The following GALT variants were observed in gnomAD, a reference collection of about 807,000 sequenced individuals.
GALT encodes the protein UDP-glucose--hexose-1-phosphate uridylyltransferase.
GALT carries 42 observed loss-of-function variants against 55.4 expected under a neutral mutation model. That is an observed-to-expected ratio of 0.76 (90% CI 0.59 to 0.98). The LOEUF (loss-of-function observed/expected upper bound fraction) is 0.98. GALT is among the 50% of genes least tolerant of loss of function. The probability of loss-of-function intolerance (pLI) is 0.00; values close to 1 mark genes in which losing one functional copy is unlikely to be tolerated. For missense variants in GALT, 407 were observed against 495.7 expected (o/e 0.82, Z 1.70); for synonymous variants, 154 against 181.5 (o/e 0.85, Z 1.22).
At position 34,650,521 on chromosome 9, in the gene GALT, T is replaced by C. The variant is rs1020441541; in HGVS notation, c.*72T>C. 1 of 1,400,422 alleles carries C rather than the reference T, an allele frequency of 7.1e-7. No homozygotes were observed. The highest frequency in any genetic ancestry group is 1.0e-6 in the Non-Finnish European group (1 of 988,850). The allele number at this position is 1,400,422 out of a possible 1,614,324, so 86.7% of individuals were successfully genotyped here. A position where few individuals can be genotyped will look rare whatever the true frequency, so the allele number is the denominator to read the frequency against. ...TTGCTGAATTAAGCAGAAAGGGCCT[T>C]GAATCCTGGCCTGGAATTTGGGCAG... On this transcript the variant is annotated 3_prime_UTR_variant, in exon 11 of 11. Transcript: ENST00000378842.
At position 34,648,074 on chromosome 9, in the gene GALT, G is replaced by A; in HGVS notation, c.508-41G>A. On this transcript the variant is annotated intron_variant, in intron 5 of 10. Transcript: ENST00000378842. This position sits in a 1 kb window ranked among gnomAD's most constrained non-coding sequence, Gnocchi z 4.9. The stretch of plus-strand genomic sequence containing the variant: ...GTGTGGTCAGGAGGGAGTTGACTTG[G>A]TGTCTTTTGGCTAACAGAGCTCCGT... 6.2e-7 allele frequency: 1 copy of A among 1,614,146 alleles called. No individual in the cohort carries two copies. The highest frequency in any genetic ancestry group is 8.5e-7 in the Non-Finnish European group (1 of 1,180,024).
chr9:34,649,532 G>C lies in GALT; in HGVS notation c.1027G>C (p.Ala343Pro). 2 of 1,614,188 alleles carry C rather than the reference G, an allele frequency of 1.2e-6. No homozygotes were observed. Among genetic ancestry groups the C allele is most frequent in the Non-Finnish European group, 1.7e-6 (2 of 1,180,024 alleles). Reference sequence around the variant, plus strand: ...ATTCATGGTTGGCTACGAAATGCTTGCTCAGGCTCAGAGGGACCTCACCCC... The same window carrying C: ...ATTCATGGTTGGCTACGAAATGCTTCCTCAGGCTCAGAGGGACCTCACCCC... ...RKFMVGYEMLAQAQRDLTPEQ... is the reference protein window; with the variant it reads ...RKFMVGYEMLPQAQRDLTPEQ... Residue 343 changes from alanine to proline, a missense_variant, in exon 10 of 11, where the codon GCT becomes CCT. By Grantham distance (27) the Ala-to-Pro change is conservative. Coordinates refer to ENST00000378842, the MANE Select transcript of GALT (RefSeq NM_000155.4).
chr9:34,647,791 A>C lies in GALT; in HGVS notation c.378-41A>C. The C allele has an allele frequency of 6.2e-7, 1 of 1,614,162 alleles. No individual in the cohort carries two copies. The highest frequency in any genetic ancestry group is 1.1e-5 in the South Asian group (1 of 91,076). ...TTCGGCCCTGCCCGTAGCACAGCCAAGCCCTACCTCTCGGTTATCTTTTCT... is the reference window on the plus strand; with the variant it reads ...TTCGGCCCTGCCCGTAGCACAGCCACGCCCTACCTCTCGGTTATCTTTTCT... On this transcript the variant is annotated intron_variant, in intron 4 of 10. Coordinates refer to ENST00000378842, the MANE Select transcript of GALT (RefSeq NM_000155.4). This position sits in a 1 kb window ranked among gnomAD's most constrained non-coding sequence, Gnocchi z 5.6.
At chr9:34,649,192 G>T (rs1821191367) in intron 9 of GALT, 111 bp downstream of exon 9, 5 of 1,296,140 alleles carry the variant, frequency 3.9e-6, no homozygotes, top group Non-Finnish European at 5.6e-6. Flanking sequence ...AGTTGCTGGG[G>T]GAAGTGGCCA....
In GALT at chr9:34,650,550, T is replaced by G; in HGVS notation, c.*101T>G. On this transcript the variant is annotated 3_prime_UTR_variant, in exon 11 of 11. Transcript: ENST00000378842. The stretch of plus-strand genomic sequence containing the variant: ...TCCTGGCCTGGAATTTGGGCAGATA[T>G]AGCATTAATAAAACTGTGCATCTCA... 1 of 1,008,348 alleles carries G rather than the reference T, an allele frequency of 9.9e-7. No homozygotes were observed. Among genetic ancestry groups the G allele is most frequent in the Non-Finnish European group, 1.5e-6 (1 of 648,822 alleles). The allele number at this position is 1,008,348 out of a possible 1,614,324, so 62.5% of individuals were successfully genotyped here.
rs111033823 is a variant in GALT at position 34,650,417 on chromosome 9, C to T, written c.1108C>T (p.Gln370Ter). 1 of 1,614,104 alleles carries T rather than the reference C, an allele frequency of 6.2e-7. No homozygotes were observed. Among genetic ancestry groups the T allele is most frequent in the Non-Finnish European group, 8.5e-7 (1 of 1,180,022 alleles). The change falls in exon 11 of 11, where the codon CAG becomes TAG. Residue 370 changes from glutamine to a stop codon, truncating the protein, a stop_gained. Transcript: ENST00000378842. LOFTEE classifies it high-confidence loss of function. ...ALPEVHYHLG[Q>*]KDRETATIA is the part of the protein sequence containing the mutation. ...TCCTGAGGTTCATTACCACCTGGGG[C>T]AGAAGGACAGGGAGACAGCAACCAT... is the stretch of plus-strand genomic sequence containing the variant.
Position 34,649,487 on chromosome 9 carries a change from C to T in GALT, c.982C>T (p.Arg328Cys), listed in dbSNP as rs144993986. ...CGCTCATTACTACCCTCCGCTCCTGCGCTCTGCCACTGTCCGGAAATTCAT... is the reference window on the plus strand; with the variant it reads ...CGCTCATTACTACCCTCCGCTCCTGTGCTCTGCCACTGTCCGGAAATTCAT... ...LHAHYYPPLL[R>C]SATVRKFMVG... Residue 328 changes from arginine to cysteine, a missense_variant, in exon 10 of 11, where the codon CGC (arginine) becomes TGC (cysteine). Physicochemically the swap from Arg to Cys is radical, Grantham distance 180. Transcript: ENST00000378842. 5.0e-6 allele frequency: 8 copies of T among 1,614,084 alleles called. No individual in the cohort carries two copies. The highest frequency in any genetic ancestry group is 1.1e-5 in the South Asian group (1 of 91,090).
Position 34,647,618 on chromosome 9 carries a change from G to A in GALT, c.329-39G>A. On this transcript the variant is annotated intron_variant, in intron 3 of 10. Transcript: ENST00000378842. This position sits in a 1 kb window ranked among gnomAD's most constrained non-coding sequence, Gnocchi z 5.6. ...GGAGGAGGGTGGCTAGACCTCTTGA[G>A]GGACTTCTGCTGCAGAGAGTGATAC... 1.9e-6 allele frequency: 3 copies of A among 1,614,098 alleles called. No homozygotes were observed. Among genetic ancestry groups the A allele is most frequent in the Non-Finnish European group, 2.5e-6 (3 of 1,179,978 alleles).
In GALT at chr9:34,648,119, T is replaced by C. The variant is rs111033715; in HGVS notation, c.512T>C (p.Phe171Ser). 6.8e-6 allele frequency: 11 copies of C among 1,614,042 alleles called. No individual in the cohort carries two copies. The African/African-American group carries it at 1.3e-4, about 20-fold the overall frequency. The change falls in exon 6 of 11, where the codon TTT (phenylalanine) becomes TCT (serine). Residue 171 changes from phenylalanine to serine, a missense_variant. Physicochemically the swap from Phe to Ser is radical, Grantham distance 155. Coordinates refer to ENST00000378842, the MANE Select transcript of GALT (RefSeq NM_000155.4). The surrounding 1 kb of genome is among the most constrained non-coding windows in gnomAD (Gnocchi z 4.9). ...CTCCGTATCCCTATCTGATAGATCTTTGAAAACAAAGGTGCCATGATGGGC... is the reference window on the plus strand; with the variant it reads ...CTCCGTATCCCTATCTGATAGATCTCTGAAAACAAAGGTGCCATGATGGGC... ...LGAQYPWVQI[F>S]ENKGAMMGCS...
chr9:34,647,336 G>C lies in GALT; in HGVS notation c.252+78G>C. ...TCTTAGAACTGTCCTCCACCCACAG[G>C]GATAGTGAACCTCCTTCTGGGTCAT... is the stretch of plus-strand genomic sequence containing the variant. On this transcript the variant is annotated intron_variant, in intron 2 of 10. Transcript: ENST00000378842. The surrounding 1 kb of genome is among the most constrained non-coding windows in gnomAD (Gnocchi z 5.6). 1 of 1,604,126 alleles carries C rather than the reference G, an allele frequency of 6.2e-7. No homozygotes were observed. Among genetic ancestry groups the C allele is most frequent in the Non-Finnish European group, 8.5e-7 (1 of 1,171,898 alleles).
rs184214383 is a variant in GALT at position 34,647,760 on chromosome 9, T to C, written c.377+55T>C. 3.3e-4 allele frequency: 534 copies of C among 1,614,056 alleles called. 2 individuals are homozygous for C. In the African/African-American group the frequency reaches 6.3e-3, roughly 19 times the overall value. ...TCAAACCAGAGTTGGAGACTCAGCA[T>C]TGGGGTTCGGCCCTGCCCGTAGCAC... On this transcript the variant is annotated intron_variant, in intron 4 of 10. Transcript: ENST00000378842. The surrounding 1 kb of genome is among the most constrained non-coding windows in gnomAD (Gnocchi z 5.6).
intron 9 of GALT, 145 bp from the exon 10 acceptor site, chr9:34,649,265 C>A: frequency 7.9e-7 from 1 of 1,264,706 alleles, no homozygotes. Context: ...CTCCAATGTG[C>A]TTTCTAATCT....
Position 34,648,469 on chromosome 9 carries a change from C to G in GALT, c.687+13C>G. The G allele has an allele frequency of 6.2e-7, 1 of 1,614,136 alleles. No individual in the cohort carries two copies. The highest frequency in any genetic ancestry group is 2.2e-5 in the East Asian group (1 of 44,878). On this transcript the variant is annotated intron_variant, in intron 7 of 10. Coordinates refer to ENST00000378842, the MANE Select transcript of GALT (RefSeq NM_000155.4). This position sits in a 1 kb window ranked among gnomAD's most constrained non-coding sequence, Gnocchi z 4.9. ...GCTACTCAGGAAGGTGGGAGAGAGCCAAGCCCTGTGTCCCCAAGGAGTCCC... is the reference window on the plus strand; with the variant it reads ...GCTACTCAGGAAGGTGGGAGAGAGCGAAGCCCTGTGTCCCCAAGGAGTCCC...
In GALT at chr9:34,647,192, G is replaced by T. The variant is rs1821124496; in HGVS notation, c.186G>T (p.Leu62=). The T allele has an allele frequency of 6.2e-7, 1 of 1,614,174 alleles. No homozygotes were observed. Among genetic ancestry groups the T allele is most frequent in the Non-Finnish European group, 8.5e-7 (1 of 1,180,022 alleles). The change falls in exon 2 of 11, where the codon CTG becomes CTT. Residue 62 remains leucine, a synonymous_variant. Transcript: ENST00000378842. The surrounding 1 kb of genome is among the most constrained non-coding windows in gnomAD (Gnocchi z 5.6). ...AGGGTCAAGTGGAGCCCCAGCTTCT[G>T]AAGACAGTGCCCCGCCATGACCCTC... ...PWQGQVEPQL[L]KTVPRHDPLN...
chr9:34,647,710 CTA>C lies in GALT; in HGVS notation c.377+7_377+8del, dbSNP rs773688685. The C allele has an allele frequency of 1.9e-6, 3 of 1,614,158 alleles. No individual in the cohort carries two copies. Among genetic ancestry groups the C allele is most frequent in the Non-Finnish European group, 2.5e-6 (3 of 1,180,014 alleles). On this transcript the variant is annotated splice_donor_region_variant and intron_variant, in intron 4 of 10. Transcript: ENST00000378842. The surrounding 1 kb of genome is among the most constrained non-coding windows in gnomAD (Gnocchi z 5.6). ...AAAGTCTGCTCGAGGAGTCTGGTAA[CTA>C]TGGATTTCCCCTCTTACAACTTTCA...
At position 34,646,850 on chromosome 9, in the gene GALT, C is replaced by G; in HGVS notation, c.82+64C>G. Reference sequence around the variant, plus strand: ...CCGAGCCCTCCCCTTCCTTAGGAAGCTTTCGTCCCCTCCGAAGGTTGGAAC... The same window carrying G: ...CCGAGCCCTCCCCTTCCTTAGGAAGGTTTCGTCCCCTCCGAAGGTTGGAAC... On this transcript the variant is annotated intron_variant, in intron 1 of 10. Coordinates refer to ENST00000378842, the MANE Select transcript of GALT (RefSeq NM_000155.4). The G allele has an allele frequency of 6.2e-6, 10 of 1,611,038 alleles. No homozygotes were observed. The South Asian group carries it at 1.1e-4, about 18-fold the overall frequency.
At position 34,649,578 on chromosome 9, in the gene GALT, A is replaced by G. The variant is rs1390388537; in HGVS notation, c.1059+14A>G. 1.9e-6 allele frequency: 3 copies of G among 1,614,112 alleles called. No individual in the cohort carries two copies. The Admixed American group carries it at 5.0e-5, about 27-fold the overall frequency. ...ACCCCTGAGCAGGTCAGGACTCAGA[A>G]CAGTCTGGCGTCTCCAGACTCTCAC... On this transcript the variant is annotated intron_variant, in intron 10 of 10. Transcript: ENST00000378842.
At chr9:34,649,137 G>A (rs1010730411) in intron 9 of GALT, 56 bp downstream of exon 9, 3 of 1,542,384 alleles carry the variant, frequency 1.9e-6, no homozygotes, top group African/African-American at 2.7e-5. Context: ...GGCTCCTGGG[G>A]CTCAGCCTAG....
Position 34,650,491 on chromosome 9 carries a change from C to G in GALT, c.*42C>G. 1 of 1,580,406 alleles carries G rather than the reference C, an allele frequency of 6.3e-7. No individual in the cohort carries two copies. The highest frequency in any genetic ancestry group is 8.7e-7 in the Non-Finnish European group (1 of 1,149,930). On this transcript the variant is annotated 3_prime_UTR_variant, in exon 11 of 11. Transcript: ENST00000378842. ...GCCTTGAATCCTTTTTTGTTTTCAA[C>G]AGTCTTGCTGAATTAAGCAGAAAGG...
Sources: gnomAD v4.1 joint callset for allele counts on GRCh38, gnomAD v4.1.1 for gene constraint, Gnocchi (gnomAD v3.1) non-coding constraint, MANE v1.5 for transcripts, NCBI Gene and HGNC (gene_info 2026-07-23, HGNC 2026-07-21) for gene names.